The following TTC3 variants were observed in gnomAD, a reference collection of about 807,000 sequenced individuals.
TTC3 encodes the protein E3 ubiquitin-protein ligase TTC3.
In TTC3, 180 loss-of-function variants were observed where a neutral mutation model predicts 249.6. The observed-to-expected ratio is 0.72, with a 90% CI of 0.64 to 0.82. The LOEUF (loss-of-function observed/expected upper bound fraction) is 0.82, where lower values mean the gene tolerates loss of function less well. Among genes scored for constraint, TTC3 ranks in the 40% least tolerant of loss-of-function variants. The pLI, the probability that TTC3 is intolerant of heterozygous loss-of-function variation, is 0.00. For missense variants in TTC3, 2,061 were observed against 2,398.4 expected, an observed-to-expected ratio of 0.86 and a Z score of 2.94; for synonymous variants, 717 against 805.0, an observed-to-expected ratio of 0.89 and a Z score of 1.85.
chr21:37,073,328 G>A, exon 1 of TTC3: 1 of 692,676 alleles, frequency 1.4e-6, no homozygotes, highest in Non-Finnish European at 1.8e-6. Context: ...TGCTGCTGCT[G>A]CTGCCCGCGT....
In TTC3 at chr21:37,103,916, A is replaced by G. The variant is rs894280608; in HGVS notation, c.846-4476A>G. Among the ~76,000 whole-genome samples the G allele has an allele frequency of 2.0e-5, 3 of 152,186 alleles. No individual in the cohort carries two copies. The South Asian group carries it at 6.2e-4, about 32-fold the overall frequency. ...TTTAAGAGCAATAAGAAAGTAAAGGATTTTAAACTGAGGAGAGAGAGCATG... is the reference window on the plus strand; with the variant it reads ...TTTAAGAGCAATAAGAAAGTAAAGGGTTTTAAACTGAGGAGAGAGAGCATG... On this transcript the variant is annotated intron_variant, in intron 10 of 45. Transcript: ENST00000355666.
At chr21:37,159,787 T>C in intron 29 of TTC3, 42 bp downstream of exon 29, 1 of 1,582,432 alleles carries the variant, frequency 6.3e-7, no homozygotes. Flanking sequence ...TCTAATCTGA[T>C]GTTAAACCAA....
At chr21:37,187,400 A>G (rs2083423742) in intron 38 of TTC3, among the ~76,000 whole-genome samples, 1 of 152,218 alleles carries the variant, frequency 6.6e-6, no homozygotes, top group Admixed American at 6.5e-5. Flanking sequence ...TTCCTTATTT[A>G]CCATTATAAT....
chr21:37,169,171 C>G (rs945833711), intron 34 of TTC3, among the ~76,000 whole-genome samples: 1 of 152,062 alleles, frequency 6.6e-6, no homozygotes, highest in Non-Finnish European at 1.5e-5. Flanking sequence ...AACAAGAGGC[C>G]TGGTTACTGC....
intron 45 of TTC3, among the ~76,000 whole-genome samples, chr21:37,200,951 C>T (rs965168726): frequency 1.3e-5 from 2 of 152,166 alleles, no homozygotes; most frequent in Non-Finnish European, 2.9e-5. Flanking sequence ...TGGTGTGCCT[C>T]CTTGGGTACA....
intron 11 of TTC3, among the ~76,000 whole-genome samples, chr21:37,114,113 G>C (rs373583253): frequency 6.6e-6 from 1 of 151,934 alleles, no homozygotes. Context: ...AATACCATTC[G>C]GGACATAGGC....
chr21:37,159,705 G>A (rs765539190), exon 29 of TTC3: 94 of 1,613,406 alleles, frequency 5.8e-5, no homozygotes, highest in Non-Finnish European at 7.2e-5. Flanking sequence ...ACAGACAGCC[G>A]CTGTACTGTG....
At chr21:37,077,089 C>A (rs1164750765) in intron 1 of TTC3, among the ~76,000 whole-genome samples, 3 of 131,616 alleles carry the variant, frequency 2.3e-5, no homozygotes, top group African/African-American at 8.0e-5. Flanking sequence ...GAGATATTTC[C>A]AATAAAGTTG....
At chr21:37,166,967 A>T (rs1184062672) in intron 33 of TTC3, among the ~76,000 whole-genome samples, 1 of 152,204 alleles carries the variant, frequency 6.6e-6, no homozygotes, top group Non-Finnish European at 1.5e-5. Flanking sequence ...CTGGAAGTGT[A>T]GCCTGCATCA....
At chr21:37,164,295 C>T in intron 32 of TTC3, 80 bp downstream of exon 32, 3 of 1,303,562 alleles carry the variant, frequency 2.3e-6, no homozygotes, top group African/African-American at 3.1e-5. Flanking sequence ...TAATTTGTGC[C>T]TGTTTTTAGA....
intron 27 of TTC3, 125 bp from the exon 28 acceptor site, chr21:37,156,530 T>G: frequency 8.3e-7 from 1 of 1,198,404 alleles, no homozygotes; most frequent in Non-Finnish European, 1.2e-6. Context: ...TCTCAACTAT[T>G]TAAATGTTTT....
At chr21:37,145,506 A>G (rs1481469984) in intron 21 of TTC3, among the ~76,000 whole-genome samples, 1 of 152,234 alleles carries the variant, frequency 6.6e-6, no homozygotes, top group East Asian at 1.9e-4. Flanking sequence ...AAAAATGGGA[A>G]CATTCAGACA....
intron 17 of TTC3, among the ~76,000 whole-genome samples, chr21:37,134,076 G>A (rs1230514106): frequency 6.6e-6 from 1 of 152,024 alleles, no homozygotes; most frequent in African/African-American, 2.4e-5. Context: ...GGCTGTCATC[G>A]AGCTTTTAAG....
chr21:37,088,219 T>G, exon 4 of TTC3: 1 of 1,610,908 alleles, frequency 6.2e-7, no homozygotes, highest in Non-Finnish European at 8.5e-7. Flanking sequence ...CAGTATATGG[T>G]GTAGTAAACC....
At chr21:37,188,703 T>C (rs974073789) in intron 39 of TTC3, 108 bp downstream of exon 39, 15 of 666,414 alleles carry the variant, frequency 2.3e-5, no homozygotes, top group Admixed American at 3.2e-5. Flanking sequence ...TTAATAGTTA[T>C]ATAATTGATA....
At chr21:37,192,406 T>C (rs964586263) in intron 41 of TTC3, among the ~76,000 whole-genome samples, 193 bp downstream of exon 41, 3 of 152,174 alleles carry the variant, frequency 2.0e-5, no homozygotes, top group African/African-American at 4.8e-5. Context: ...TCAGTCTTTC[T>C]ACATCTGTAT....
At chr21:37,132,532 C>T (rs138070388) in intron 16 of TTC3, 150 bp from the exon 17 acceptor site, 5,086 of 402,050 alleles carry the variant, frequency 0.013, 267 homozygotes, top group Admixed American at 0.12. Context: ...AGGCTGGTCT[C>T]GAACACCTAA....
intron 36 of TTC3, among the ~76,000 whole-genome samples, chr21:37,184,853 C>A (rs1217951310): frequency 6.6e-6 from 1 of 152,092 alleles, no homozygotes; most frequent in Non-Finnish European, 1.5e-5. Flanking sequence ...CTTTTTGGAT[C>A]TCTTTCTCAG....
At chr21:37,102,204 A>G (rs1409478423) in intron 10 of TTC3, among the ~76,000 whole-genome samples, 1 of 152,176 alleles carries the variant, frequency 6.6e-6, no homozygotes, top group African/African-American at 2.4e-5. Flanking sequence ...CTCACTGCAT[A>G]TTTGTCAGTG....
Sources: gnomAD v4.1 joint callset for allele counts (sites outside exome capture counted in the v4.1 genomes callset) on GRCh38, gnomAD v4.1.1 for gene constraint, MANE v1.5 for transcripts, NCBI Gene and HGNC (gene_info 2026-07-23, HGNC 2026-07-21) for gene names.